Variants in YWHAE observed in about 807,000 individuals in gnomAD.
YWHAE encodes tyrosine 3-monooxygenase/tryptophan 5-monooxygenase activation protein epsilon, also known as 14-3-3 protein epsilon.
In YWHAE, 4 loss-of-function variants were observed where a neutral mutation model predicts 30.1. That is an observed-to-expected ratio of 0.13 (90% CI 0.07 to 0.30). The LOEUF (loss-of-function observed/expected upper bound fraction) is 0.30. Among genes scored for constraint, YWHAE ranks in the 10% least tolerant of loss-of-function variants. The probability of loss-of-function intolerance (pLI) is 1.00; values close to 1 mark genes in which losing one functional copy is unlikely to be tolerated. For missense variants in YWHAE, 121 were observed against 315.9 expected (o/e 0.38, Z 4.68); for synonymous variants, 118 against 111.8 (o/e 1.06, Z -0.35).
chr17:1,387,235 G>A (rs552877239), intron 1 of YWHAE, among the ~76,000 whole-genome samples: 244 of 152,288 alleles, frequency 1.6e-3, no homozygotes, highest in Non-Finnish European at 2.4e-3. Context: ...GTAATCCCCT[G>A]CTCCATCAGA....
At chr17:1,375,173 G>A (rs953341407) in intron 1 of YWHAE, among the ~76,000 whole-genome samples, 2 of 152,022 alleles carry the variant, frequency 1.3e-5, no homozygotes, top group Non-Finnish European at 2.9e-5. Context: ...TACAAATAAC[G>A]ACTACAATGA....
rs552470120 is a variant in YWHAE, at chr17:1,357,219, C to T, written c.579-2872G>A. 5.1e-3 allele frequency among the ~76,000 whole-genome samples: 769 copies of T among 151,880 alleles called. 9 individuals carry two copies. Among genetic ancestry groups the T allele is most frequent in the African/African-American group, 0.017 (723 of 41,428 alleles). ...GAGATCGAGACCATCCTGGCTAACA[C>T]GGTGAAACCCCATCTCTACTAAAAA... On this transcript the variant is annotated intron_variant, in intron 4 of 5. Coordinates refer to ENST00000264335, the MANE Select transcript of YWHAE (RefSeq NM_006761.5).
chr17:1,394,771 A>G (rs1267535100), intron 1 of YWHAE, among the ~76,000 whole-genome samples: 1 of 152,016 alleles, frequency 6.6e-6, no homozygotes, highest in Admixed American at 6.6e-5. Flanking sequence ...GTCAGAGATC[A>G]GCCTGGCAAA....
Position 1,345,333 on chromosome 17 carries a change from G to A in YWHAE, c.*114C>T. Reference sequence around the variant, plus strand: ...CCAACAGGGCAGGAACCTAAATTCTGAGACCAAATGTAAAAGTCAGATTTG... The same window carrying A: ...CCAACAGGGCAGGAACCTAAATTCTAAGACCAAATGTAAAAGTCAGATTTG... On this transcript the variant is annotated 3_prime_UTR_variant, in exon 6 of 6. Coordinates refer to ENST00000264335, the MANE Select transcript of YWHAE (RefSeq NM_006761.5). 1.1e-6 allele frequency: 1 copy of A among 923,334 alleles called. No individual in the cohort carries two copies. The highest frequency in any genetic ancestry group is 1.7e-6 in the Non-Finnish European group (1 of 595,738). 57.2% of individuals were successfully genotyped at this position (923,334 alleles called of 1,614,324 possible).
intron 4 of YWHAE, among the ~76,000 whole-genome samples, chr17:1,354,964 G>GTC (rs2072704637): frequency 1.3e-5 from 1 of 74,716 alleles, no homozygotes; most frequent in Non-Finnish European, 2.7e-5. Flanking sequence ...GCCCAGCCTA[G>GTC]TTTTTTTTTT....
intron 1 of YWHAE, among the ~76,000 whole-genome samples, chr17:1,386,868 C>T (rs560455435): frequency 7.4e-4 from 112 of 152,034 alleles, no homozygotes; most frequent in African/African-American, 2.7e-3. Context: ...GCAGGAGAAT[C>T]ACTTGAACCA....
chr17:1,344,873 C>T lies in YWHAE; in HGVS notation c.*574G>A, dbSNP rs1468915302. On this transcript the variant is annotated 3_prime_UTR_variant, in exon 6 of 6. Transcript: ENST00000264335. The stretch of plus-strand genomic sequence containing the variant: ...CCACGGATTGTTGAACTGTTACCAG[C>T]ACCATGCTTTTCAGCAACATTTCAG... The T allele has an allele frequency of 8.6e-6, 2 of 233,318 alleles. No homozygotes were observed. Among genetic ancestry groups the T allele is most frequent in the Non-Finnish European group, 1.7e-5 (2 of 117,902 alleles). The allele number at this position is 233,318 out of a possible 1,614,324, so 14.5% of individuals were successfully genotyped here.
chr17:1,384,592 C>G (rs1567980775), intron 1 of YWHAE, among the ~76,000 whole-genome samples: 1 of 152,076 alleles, frequency 6.6e-6, no homozygotes. Flanking sequence ...ACTCAGGAGG[C>G]TGAGGCAGGA....
At chr17:1,388,123 T>G (rs1196035643) in intron 1 of YWHAE, among the ~76,000 whole-genome samples, 58 of 61,210 alleles carry the variant, frequency 9.5e-4, no homozygotes, top group South Asian at 5.8e-3. Flanking sequence ...GGTTGGTTTT[T>G]TTTTTTTTTT....
chr17:1,399,855 C>T, intron 1 of YWHAE, 192 bp downstream of exon 1: 2 of 665,062 alleles, frequency 3.0e-6, no homozygotes, highest in Non-Finnish European at 2.6e-6. Context: ...TTAAGGACGG[C>T]GAAGGGGTCA....
Position 1,354,274 on chromosome 17 carries a change from T to C in YWHAE, c.652A>G (p.Thr218Ala), listed in dbSNP as rs2072689956. 6.2e-7 allele frequency: 1 copy of C among 1,614,208 alleles called. No homozygotes were observed. The highest frequency in any genetic ancestry group is 8.5e-7 in the Non-Finnish European group (1 of 1,180,020). The part of the protein sequence containing the change: ...TLSEESYKDS[T>A]LIMQLLRDNL... ...TCACGTAACAACTGCATGATAAGTG[T>C]AGAGTCCTTATAGCTTTCTTCACTC... is the stretch of plus-strand genomic sequence containing the variant. The change falls in exon 5 of 6, where the codon ACA (threonine) becomes GCA (alanine). Residue 218 changes from threonine to alanine, a missense_variant. Physicochemically the swap from Thr to Ala is moderately conservative, Grantham distance 58. Coordinates refer to ENST00000264335, the MANE Select transcript of YWHAE (RefSeq NM_006761.5).
At chr17:1,381,523 A>G (rs1475901018) in intron 1 of YWHAE, among the ~76,000 whole-genome samples, 1 of 152,004 alleles carries the variant, frequency 6.6e-6, no homozygotes, top group Non-Finnish European at 1.5e-5. Context: ...AAATCAATAA[A>G]CTCAAAAAAA....
chr17:1,374,739 T>C (rs2073098686), intron 1 of YWHAE, among the ~76,000 whole-genome samples: 1 of 152,218 alleles, frequency 6.6e-6, no homozygotes, highest in Non-Finnish European at 1.5e-5. Context: ...TCTGGAGAAA[T>C]ATCTATTCAA....
chr17:1,398,235 G>A (rs1324965372), intron 1 of YWHAE, among the ~76,000 whole-genome samples: 2 of 152,076 alleles, frequency 1.3e-5, no homozygotes, highest in African/African-American at 2.4e-5. Context: ...ATGAGGGGGC[G>A]GAGGAGGAGA....
chr17:1,352,886 C>A (rs927541575), intron 5 of YWHAE, among the ~76,000 whole-genome samples: 7 of 152,132 alleles, frequency 4.6e-5, no homozygotes, highest in African/African-American at 1.4e-4. Context: ...TTGTTTACAA[C>A]CTCCTACCAG....
At position 1,350,287 on chromosome 17, in the gene YWHAE, A is replaced by G. The variant is rs1362430872; in HGVS notation, c.715+3924T>C. Among the ~76,000 whole-genome samples, 6 of 152,096 alleles carry G rather than the reference A, an allele frequency of 3.9e-5. No homozygotes were observed. In the East Asian group the frequency reaches 9.7e-4, roughly 25 times the overall value. On this transcript the variant is annotated intron_variant, in intron 5 of 5. Coordinates refer to ENST00000264335, the MANE Select transcript of YWHAE (RefSeq NM_006761.5). ...ATTTTAAGATGATCCATTTCCTAAA[A>G]CTGTACTCGACAACCAAGAATAAGG...
chr17:1,345,805 C>G (rs999572461), intron 5 of YWHAE, among the ~76,000 whole-genome samples: 2 of 152,210 alleles, frequency 1.3e-5, no homozygotes, highest in African/African-American at 4.8e-5. Context: ...AAATGACATT[C>G]AAGCTTTCAC....
intron 4 of YWHAE, among the ~76,000 whole-genome samples, chr17:1,356,417 G>A (rs778030123): frequency 2.0e-5 from 3 of 152,156 alleles, no homozygotes; most frequent in Non-Finnish European, 2.9e-5. Flanking sequence ...CAGGGACCCA[G>A]AAGGAGGAGC....
intron 4 of YWHAE, among the ~76,000 whole-genome samples, chr17:1,357,630 A>G (rs1360585808): frequency 6.6e-6 from 1 of 151,874 alleles, no homozygotes; most frequent in East Asian, 1.9e-4. Context: ...TATTTACTGT[A>G]AAAATTTAAA....
Sources: allele counts gnomAD v4.1 joint callset (sites outside exome capture counted in the v4.1 genomes callset), GRCh38; gene constraint gnomAD v4.1.1; transcripts MANE v1.5; gene names NCBI Gene and HGNC (gene_info 2026-07-23, HGNC 2026-07-21).